The following CPVL variants were observed in gnomAD, a reference collection of about 807,000 sequenced individuals.
CPVL encodes carboxypeptidase vitellogenic like.
In CPVL, 51 loss-of-function variants were observed where a neutral mutation model predicts 63.7. The ratio of observed to expected loss-of-function variants is 0.80; its 90% CI spans 0.64 to 1.01. The LOEUF (loss-of-function observed/expected upper bound fraction) is 1.01, where lower values mean the gene tolerates loss of function less well. Ranked by LOEUF, CPVL falls within the 50% of genes least tolerant of loss-of-function variation. The probability of loss-of-function intolerance (pLI) is 0.00; values close to 1 mark genes in which losing one functional copy is unlikely to be tolerated. For synonymous variants in CPVL, 195 were observed against 206.0 expected, an observed-to-expected ratio of 0.95 and a Z score of 0.46; for missense variants, 530 against 573.1, an observed-to-expected ratio of 0.92 and a Z score of 0.77.
Position 28,995,883 on chromosome 7 carries a change from C to G in CPVL, c.1321-1G>C, listed in dbSNP as rs1238025283. On this transcript the variant is annotated splice_acceptor_variant, in intron 12 of 12. Transcript: ENST00000265394. LOFTEE classifies it high-confidence loss of function. ...TATGTCCTCCACCTCGAATAATTAC[C>G]TTAAAAAGAAAAAGTAAAAGAACGG... The G allele has an allele frequency of 1.3e-6, 2 of 1,540,232 alleles. No homozygotes were observed. The highest frequency in any genetic ancestry group is 1.8e-6 in the Non-Finnish European group (2 of 1,135,956).
chr7:29,048,326 C>G (rs1380299582), intron 11 of CPVL, among the ~76,000 whole-genome samples: 1 of 152,098 alleles, frequency 6.6e-6, no homozygotes, highest in African/African-American at 2.4e-5. Context: ...GGAGACTCAC[C>G]TAACACATAA....
intron 7 of CPVL, among the ~76,000 whole-genome samples, chr7:29,076,662 A>G (rs1784280465): frequency 6.6e-6 from 1 of 152,188 alleles, no homozygotes; most frequent in Admixed American, 6.5e-5. Flanking sequence ...TTACTTGGTT[A>G]ATTTTTCCCA....
At chr7:29,047,277 T>G (rs1315097719) in intron 11 of CPVL, among the ~76,000 whole-genome samples, 1 of 152,042 alleles carries the variant, frequency 6.6e-6, no homozygotes, top group Non-Finnish European at 1.5e-5. Flanking sequence ...AAGGGAAGAT[T>G]AAATAAAGTC....
Position 29,072,302 on chromosome 7 carries a change from G to T in CPVL, c.731C>A (p.Ser244Ter). The change falls in exon 8 of 13, where the codon TCA becomes TAA. Residue 244 changes from serine (S) to a stop codon, truncating the protein, a stop_gained and splice_region_variant. Transcript: ENST00000265394. LOFTEE classifies it high-confidence loss of function. Reference sequence around the variant, plus strand: ...AGAAAGTCAGAAGGAGAAACCTACTGATTCGGGATCAGAATATCCATCTCC... The same window carrying T: ...AGAAAGTCAGAAGGAGAAACCTACTTATTCGGGATCAGAATATCCATCTCC... ...AIGDGYSDPE[S>*]IIGGYAEFLY... 1 of 1,614,010 alleles carries T rather than the reference G, an allele frequency of 6.2e-7. No individual in the cohort carries two copies. Among genetic ancestry groups the T allele is most frequent in the South Asian group, 1.1e-5 (1 of 91,040 alleles).
intron 12 of CPVL, among the ~76,000 whole-genome samples, chr7:29,001,727 A>C (rs1784658860): frequency 6.6e-6 from 1 of 152,182 alleles, no homozygotes; most frequent in Non-Finnish European, 1.5e-5. Context: ...AGGAGCTTCT[A>C]GGTGCTTCAG....
chr7:29,019,921 T>C (rs1016616126), intron 12 of CPVL, among the ~76,000 whole-genome samples: 2 of 152,192 alleles, frequency 1.3e-5, no homozygotes, highest in African/African-American at 4.8e-5. Context: ...ATCACAAACA[T>C]ATGTGGGCCT....
intron 12 of CPVL, chr7:28,996,212 G>A (rs1784043259): frequency 5.0e-6 from 1 of 200,852 alleles, no homozygotes; most frequent in Admixed American, 6.0e-5. Context: ...CACTGCAAGT[G>A]TTACCTGGTG....
chr7:29,005,709 T>G (rs1325538684), intron 12 of CPVL, among the ~76,000 whole-genome samples: 3 of 152,170 alleles, frequency 2.0e-5, no homozygotes, highest in Admixed American at 2.0e-4. Context: ...GGCAAAAAAC[T>G]GTTCTGTCTT....
rs1249184784 is a variant in CPVL at position 29,072,430 on chromosome 7, A to G, written c.610-7T>C. Reference sequence around the variant, plus strand: ...CATATTTCCCTGCATAAGACTGAGAAGGACAGATGTTGAAATGGCCAATCA... The same window carrying G: ...CATATTTCCCTGCATAAGACTGAGAGGGACAGATGTTGAAATGGCCAATCA... On this transcript the variant is annotated splice_region_variant and splice_polypyrimidine_tract_variant and intron_variant, in intron 7 of 12. Transcript: ENST00000265394. 1.2e-6 allele frequency: 2 copies of G among 1,611,138 alleles called. No homozygotes were observed.
intron 12 of CPVL, among the ~76,000 whole-genome samples, chr7:29,016,886 G>C (rs1786465729): frequency 6.6e-6 from 1 of 152,184 alleles, no homozygotes. Context: ...CAAGAAGGTG[G>C]ACGTATTAAA....
At chr7:29,141,107 T>C (rs1334956423) in intron 1 of CPVL, among the ~76,000 whole-genome samples, 1 of 152,188 alleles carries the variant, frequency 6.6e-6, no homozygotes, top group African/African-American at 2.4e-5. Context: ...TTGTGCAATG[T>C]GCTTTGAGCT....
chr7:29,061,478 T>C (rs1295685467), intron 11 of CPVL, among the ~76,000 whole-genome samples: 1 of 152,104 alleles, frequency 6.6e-6, no homozygotes, highest in Non-Finnish European at 1.5e-5. Context: ...AGTGGTAAGT[T>C]TAGGATACAT....
chr7:29,043,268 GTTCT>G (rs1344160735), intron 11 of CPVL, among the ~76,000 whole-genome samples: 1 of 149,826 alleles, frequency 6.7e-6, no homozygotes, highest in African/African-American at 2.5e-5. Context: ...TGTGCTCTGT[GTTCT>G]TTATGTTTTT....
At chr7:29,096,441 G>A in intron 3 of CPVL, 2 of 554,182 alleles carry the variant, frequency 3.6e-6, no homozygotes, top group Admixed American at 3.0e-5. Context: ...TTCTTATCAT[G>A]CAGTCAAGTC....
At chr7:29,047,007 G>T (rs1789688310) in intron 11 of CPVL, among the ~76,000 whole-genome samples, 1 of 152,128 alleles carries the variant, frequency 6.6e-6, no homozygotes, top group Non-Finnish European at 1.5e-5. Context: ...ACTTATAATT[G>T]AATATATGTT....
At position 29,103,739 on chromosome 7, in the gene CPVL, G is replaced by A. The variant is rs187806219; in HGVS notation, c.289-7522C>T. On this transcript the variant is annotated intron_variant, in intron 3 of 12. Coordinates refer to ENST00000265394, the MANE Select transcript of CPVL (RefSeq NM_031311.5). ...TCCTATCTCCAATAAGGAATGCCACGCTTGGTTAGAGAAAACAGCAACTAA... is the reference window on the plus strand; with the variant it reads ...TCCTATCTCCAATAAGGAATGCCACACTTGGTTAGAGAAAACAGCAACTAA... 3.3e-5 allele frequency among the ~76,000 whole-genome samples: 5 copies of A among 152,236 alleles called. No individual in the cohort carries two copies. In the South Asian group the frequency reaches 6.2e-4, roughly 19 times the overall value.
chr7:29,052,685 G>A (rs1004238655), intron 11 of CPVL, among the ~76,000 whole-genome samples: 3 of 152,178 alleles, frequency 2.0e-5, no homozygotes, highest in African/African-American at 7.2e-5. Flanking sequence ...CGAGGCGGGC[G>A]GATCATGAGG....
At chr7:29,170,497 A>G (rs1042336366) in intron 5 of CPVL, among the ~76,000 whole-genome samples, 5 of 152,170 alleles carry the variant, frequency 3.3e-5, no homozygotes, top group African/African-American at 1.2e-4. Flanking sequence ...TCATCTGGGG[A>G]CGAATTTAAG....
chr7:29,137,187 C>T (rs35238750), intron 1 of CPVL, among the ~76,000 whole-genome samples: 20,533 of 152,090 alleles, frequency 0.14, 1,385 homozygotes, highest in African/African-American at 0.15. Flanking sequence ...GACATGGACA[C>T]GCACAAGGAG....
Sources: gnomAD v4.1 joint callset for allele counts (sites outside exome capture counted in the v4.1 genomes callset) on GRCh38, gnomAD v4.1.1 for gene constraint, MANE v1.5 for transcripts, NCBI Gene and HGNC (gene_info 2026-07-23, HGNC 2026-07-21) for gene names.